HIVEP1: variants seen among roughly 807,000 people sequenced by gnomAD.
HIVEP1 encodes the protein zinc finger protein 40.
Under a neutral mutation model 180.0 loss-of-function variants are expected in HIVEP1, and 36 were observed. That is an observed-to-expected ratio of 0.20 (90% CI 0.15 to 0.26). The LOEUF (loss-of-function observed/expected upper bound fraction) is 0.26. Ranked by LOEUF, HIVEP1 falls within the 10% of genes least tolerant of loss-of-function variation. HIVEP1 has a pLI of 1.00. For missense variants in HIVEP1, 3,143 were observed against 3,268.7 expected (o/e 0.96, Z 0.94); for synonymous variants, 1,239 against 1,239.0 (o/e 1.00, Z 0.00).
At chr6:12,089,883 G>C (rs969331350) in intron 3 of HIVEP1, among the ~76,000 whole-genome samples, 3 of 151,942 alleles carry the variant, frequency 2.0e-5, no homozygotes, top group South Asian at 2.1e-4. Context: ...TACACACACA[G>C]AGGCTTCTGT....
At chr6:12,211,239 A>G in the HIVEP1 span, among the ~76,000 whole-genome samples, 1 of 103,040 alleles carries the variant, frequency 9.7e-6, no homozygotes, top group Non-Finnish European at 1.9e-5. Flanking sequence ...CTCTACTAAA[A>G]ATACAAAAAA....
upstream of HIVEP1, among the ~76,000 whole-genome samples, chr6:12,011,547 GC>G (rs1178207218): frequency 1.5e-5 from 2 of 133,838 alleles, no homozygotes; most frequent in Non-Finnish European, 3.2e-5. Context: ...CAGGGCTCCC[GC>G]CCCCCGCGTC....
At chr6:12,172,576 T>C in the HIVEP1 span, among the ~76,000 whole-genome samples, 1 of 152,182 alleles carries the variant, frequency 6.6e-6, no homozygotes, top group Non-Finnish European at 1.5e-5. Flanking sequence ...ACTAACAAGA[T>C]ATTAGATTTA....
chr6:12,010,650 C>G (rs1469544325), upstream of HIVEP1, among the ~76,000 whole-genome samples: 1 of 151,312 alleles, frequency 6.6e-6, no homozygotes, highest in Non-Finnish European at 1.5e-5. Context: ...TTATTCCTCT[C>G]AAGTTTGAGG....
the HIVEP1 span, among the ~76,000 whole-genome samples, chr6:12,203,945 C>T: frequency 6.6e-6 from 1 of 152,068 alleles, no homozygotes; most frequent in South Asian, 2.1e-4. Flanking sequence ...GGTGTGGTGG[C>T]AGGCATCTGT....
At position 12,123,676 on chromosome 6, in the gene HIVEP1, C is replaced by T. The variant is rs368250590; in HGVS notation, c.3881C>T (p.Thr1294Ile). Residue 1294 changes from threonine (T) to isoleucine (I), a missense_variant, in exon 4 of 9, where the codon ACA becomes ATA. Physicochemically the swap from Thr to Ile is moderately conservative, Grantham distance 89. Transcript: ENST00000379388. ...CTGGCTGAGATAGAACATTCCTCAACAGAATCGAGCTTTGATTCCACTCTC... is the reference window on the plus strand; with the variant it reads ...CTGGCTGAGATAGAACATTCCTCAATAGAATCGAGCTTTGATTCCACTCTC... ...LRLAEIEHSS[T>I]ESSFDSTLSR... The T allele has an allele frequency of 1.9e-6, 3 of 1,613,992 alleles. No individual in the cohort carries two copies. Among genetic ancestry groups the T allele is most frequent in the Admixed American group, 1.7e-5 (1 of 59,970 alleles).
chr6:12,021,622 G>A (rs930068189), intron 2 of HIVEP1, among the ~76,000 whole-genome samples: 2 of 152,174 alleles, frequency 1.3e-5, no homozygotes, highest in Admixed American at 1.3e-4. Context: ...TGTTAGAAGA[G>A]ACCATTTTGG....
At chr6:12,085,037 A>G (rs368839265) in intron 2 of HIVEP1, among the ~76,000 whole-genome samples, 3 of 152,258 alleles carry the variant, frequency 2.0e-5, no homozygotes, top group East Asian at 3.9e-4. Context: ...GTTTGTGTGT[A>G]GGTGCTTTTT....
At position 12,123,072 on chromosome 6, in the gene HIVEP1, A is replaced by G; in HGVS notation, c.3277A>G (p.Ile1093Val). 1 of 1,614,120 alleles carries G rather than the reference A, an allele frequency of 6.2e-7. No individual in the cohort carries two copies. Among genetic ancestry groups the G allele is most frequent in the Non-Finnish European group, 8.5e-7 (1 of 1,180,030 alleles). ...AAATATACAGTTGCAAAACTCCCATATTCACCTTGTTGCCAGGGGCCCTGA... is the reference window on the plus strand; with the variant it reads ...AAATATACAGTTGCAAAACTCCCATGTTCACCTTGTTGCCAGGGGCCCTGA... ...HKNIQLQNSH[I>V]HLVARGPEQT... The change falls in exon 4 of 9, where the codon ATT becomes GTT. Residue 1093 changes from isoleucine (I) to valine (V), a missense_variant. Transcript: ENST00000379388.
At chr6:12,186,905 A>G in the HIVEP1 span, among the ~76,000 whole-genome samples, 78 of 152,212 alleles carry the variant, frequency 5.1e-4, no homozygotes, top group African/African-American at 1.8e-3. Flanking sequence ...TTTAGCGAAA[A>G]GATGAATTTC....
chr6:12,076,618 A>G (rs1057475729), intron 2 of HIVEP1, among the ~76,000 whole-genome samples: 1 of 152,198 alleles, frequency 6.6e-6, no homozygotes, highest in Admixed American at 6.5e-5. Flanking sequence ...AGAGCGGAAG[A>G]GAGTAAACCC....
rs563696563 is a variant in HIVEP1, at chr6:12,164,094, C to G, written c.7790C>G (p.Thr2597Ser). The G allele has an allele frequency of 2.4e-5, 38 of 1,614,072 alleles. No homozygotes were observed. In the Middle Eastern group the frequency reaches 4.9e-4, roughly 21 times the overall value. ...GCCAGCGCAAACCAGGTCAGCAGGA[C>G]CGAGTCTCCTCAGGGGTTACCTACA... ...SVASANQVSR[T>S]ESPQGLPTVQ... The change falls in exon 9 of 9, where the codon ACC (threonine) becomes AGC (serine). Residue 2597 changes from threonine to serine, a missense_variant. Around this residue, in one of 12 missense-constraint regions of HIVEP1, gnomAD observed 595 missense variants for 602.2 expected, o/e 0.99. Coordinates refer to ENST00000379388, the MANE Select transcript of HIVEP1 (RefSeq NM_002114.4).
At chr6:12,159,259 C>T (rs1760256097) in intron 7 of HIVEP1, among the ~76,000 whole-genome samples, 1 of 152,008 alleles carries the variant, frequency 6.6e-6, no homozygotes, top group African/African-American at 2.4e-5. Context: ...GTAAACAGGT[C>T]CCATCCTTGT....
intron 4 of HIVEP1, among the ~76,000 whole-genome samples, chr6:12,128,781 C>A (rs767278453): frequency 3.9e-5 from 6 of 152,120 alleles, no homozygotes; most frequent in Non-Finnish European, 7.4e-5. Context: ...AACCACACAT[C>A]GTTTATCATT....
At chr6:12,020,597 C>G (rs539942778) in intron 2 of HIVEP1, among the ~76,000 whole-genome samples, 2 of 152,114 alleles carry the variant, frequency 1.3e-5, no homozygotes, top group African/African-American at 4.8e-5. Context: ...TGATAAAGGG[C>G]TCTATTCGTG....
intron 4 of HIVEP1, among the ~76,000 whole-genome samples, chr6:12,126,707 A>G (rs1239425717): frequency 1.3e-5 from 2 of 152,336 alleles, no homozygotes; most frequent in East Asian, 1.9e-4. Context: ...CAGTATTACC[A>G]TAGAATTATG....
At chr6:12,184,965 A>G in the HIVEP1 span, among the ~76,000 whole-genome samples, 1 of 152,242 alleles carries the variant, frequency 6.6e-6, no homozygotes, top group Non-Finnish European at 1.5e-5. Flanking sequence ...CACACACACA[A>G]TGAATATTTA....
the HIVEP1 span, among the ~76,000 whole-genome samples, chr6:12,211,309 A>T: frequency 9.9e-6 from 1 of 100,806 alleles, no homozygotes; most frequent in Non-Finnish European, 1.9e-5. Context: ...CTGAGGCAGG[A>T]GAATGGCGTG....
rs1023623952 is a variant in HIVEP1 at position 12,018,840 on chromosome 6, A to G, written c.40+3172A>G. Among the ~76,000 whole-genome samples, 10 of 152,316 alleles carry G rather than the reference A, an allele frequency of 6.6e-5. No homozygotes were observed. The South Asian group carries it at 1.2e-3, about 19-fold the overall frequency. On this transcript the variant is annotated intron_variant, in intron 2 of 8. Transcript: ENST00000379388. ...AGAAGTTCTCTTCAGGAGGGATGAG[A>G]AGGAGACAGAGAGGCAGGATACTGG...
Sources: gnomAD v4.1 joint callset for allele counts (sites outside exome capture counted in the v4.1 genomes callset) on GRCh38, gnomAD v4.1.1 for gene constraint, gnomAD v4.1.1 regional missense constraint, MANE v1.5 for transcripts, NCBI Gene and HGNC (gene_info 2026-07-23, HGNC 2026-07-21) for gene names.